Variants in DCAF8 observed in about 807,000 individuals in gnomAD.
DCAF8 encodes DDB1- and CUL4-associated factor 8.
A neutral mutation model predicts 68.0 loss-of-function variants in DCAF8; 20 were observed. That is an observed-to-expected ratio of 0.29 (90% CI 0.21 to 0.43). The LOEUF is 0.43. Among genes scored for constraint, DCAF8 ranks in the 20% least tolerant of loss-of-function variants. DCAF8 has a pLI of 1.00. For missense variants in DCAF8, 460 were observed against 771.0 expected (o/e 0.60, Z 4.78); for synonymous variants, 230 against 276.9 (o/e 0.83, Z 1.68).
At chr1:160,218,008 C>CTTT (rs1655181415) in intron 13 of DCAF8, 2 of 502,518 alleles carry the variant, frequency 4.0e-6, no homozygotes, top group East Asian at 6.4e-5. Context: ...TGAACTAGGC[C>CTTT]TCTTTTGGCA....
At chr1:160,227,817 A>G (rs1368794005) in intron 7 of DCAF8, among the ~76,000 whole-genome samples, 1 of 152,262 alleles carries the variant, frequency 6.6e-6, no homozygotes, top group Non-Finnish European at 1.5e-5. Context: ...TGTGATAGAC[A>G]GTAAGCATAG....
Position 160,240,016 on chromosome 1 carries a change from G to T in DCAF8, c.404C>A (p.Ala135Asp). 6.2e-7 allele frequency: 1 copy of T among 1,614,232 alleles called. No individual in the cohort carries two copies. The highest frequency in any genetic ancestry group is 8.5e-7 in the Non-Finnish European group (1 of 1,180,038). Residue 135 changes from alanine (A) to aspartate (D), a missense_variant, in exon 4 of 14, where the codon GCC becomes GAC. By Grantham distance (126) the Ala-to-Asp change is moderately radical. Transcript: ENST00000368074. Reference sequence around the variant, plus strand: ...TTCTGAGGACACCCAGTCCTCTAGGGCCCGCTCATCATCTGATGAGTCCTG... The same window carrying T: ...TTCTGAGGACACCCAGTCCTCTAGGTCCCGCTCATCATCTGATGAGTCCTG... ...RDQDSSDDER[A>D]LEDWVSSETS...
chr1:160,221,480 G>A (rs1320179416), intron 11 of DCAF8, among the ~76,000 whole-genome samples: 1 of 152,072 alleles, frequency 6.6e-6, no homozygotes, highest in Admixed American at 6.5e-5. Context: ...CTGAAATTTA[G>A]AGGAAACCAG....
chr1:160,248,895 CAA>C (rs58635711), intron 2 of DCAF8, among the ~76,000 whole-genome samples: 6 of 137,372 alleles, frequency 4.4e-5, no homozygotes, highest in South Asian at 2.4e-4. Context: ...GACACCATCT[CAA>C]AAAAAAAAAA....
chr1:160,240,143 T>G lies in DCAF8; in HGVS notation c.277A>C (p.Asn93His). 6.2e-7 allele frequency: 1 copy of G among 1,613,932 alleles called. No homozygotes were observed. The highest frequency in any genetic ancestry group is 8.5e-7 in the Non-Finnish European group (1 of 1,179,902). The change falls in exon 4 of 14, where the codon AAT becomes CAT. Residue 93 changes from asparagine to histidine, a missense_variant. Coordinates refer to ENST00000368074, the MANE Select transcript of DCAF8 (RefSeq NM_015726.4). Reference protein sequence around the residue: ...DTGHYSINDENRVHDRSEEEE... With the variant: ...DTGHYSINDEHRVHDRSEEEE... ...TCCTCTGAGCGGTCATGGACTCGAT[T>G]TTCATCATTAATGGAGTAATGACCA...
intron 2 of DCAF8, among the ~76,000 whole-genome samples, chr1:160,255,510 T>G (rs1335229568): frequency 1.3e-5 from 2 of 152,212 alleles, no homozygotes; most frequent in Non-Finnish European, 2.9e-5. Context: ...ATGATGAGGA[T>G]TCAAACTATG....
Position 160,231,245 on chromosome 1 carries a change from C to T in DCAF8, c.1070+52G>A, listed in dbSNP as rs951746525. 6 of 1,232,612 alleles carry T rather than the reference C, an allele frequency of 4.9e-6. No individual in the cohort carries two copies. In the African/African-American group the frequency reaches 8.9e-5, roughly 18 times the overall value. The allele number at this position is 1,232,612 out of a possible 1,614,324, so 76.4% of individuals were successfully genotyped here. A position where few individuals can be genotyped will look rare whatever the true frequency, so the allele number is the denominator to read the frequency against. On this transcript the variant is annotated intron_variant, in intron 7 of 13. Transcript: ENST00000368074. The stretch of plus-strand genomic sequence containing the variant: ...CCATAAAGGAGCACCTGGTAGTATA[C>T]AATGCATCAGTCTTACAAACTGTCA...
chr1:160,240,021 C>T lies in DCAF8; in HGVS notation c.399G>A (p.Glu133=). ...ANRDQDSSDD[E]RALEDWVSSE... is the part of the protein sequence containing the mutation. ...AGGACACCCAGTCCTCTAGGGCCCGCTCATCATCTGATGAGTCCTGGTCAC... is the reference window on the plus strand; with the variant it reads ...AGGACACCCAGTCCTCTAGGGCCCGTTCATCATCTGATGAGTCCTGGTCAC... Residue 133 remains glutamate, a synonymous_variant, in exon 4 of 14, where the codon GAG becomes GAA. Transcript: ENST00000368074. The T allele has an allele frequency of 6.2e-7, 1 of 1,614,250 alleles. No homozygotes were observed. Among genetic ancestry groups the T allele is most frequent in the Non-Finnish European group, 8.5e-7 (1 of 1,180,048 alleles).
chr1:160,236,122 T>C (rs1163403830), intron 6 of DCAF8, among the ~76,000 whole-genome samples: 2 of 152,176 alleles, frequency 1.3e-5, no homozygotes, highest in African/African-American at 4.8e-5. Context: ...ACTTTATTAC[T>C]TGAATCTCTT....
rs114094858 is a variant in DCAF8, at chr1:160,222,100, A to T, written c.1440+551T>A. Reference sequence around the variant, plus strand: ...TGTACGCATGACATTTCACCCCTAAATACTTCAACATGTATCTCTTAAGTA... The same window carrying T: ...TGTACGCATGACATTTCACCCCTAATTACTTCAACATGTATCTCTTAAGTA... On this transcript the variant is annotated intron_variant, in intron 11 of 13. Coordinates refer to ENST00000368074, the MANE Select transcript of DCAF8 (RefSeq NM_015726.4). Among the ~76,000 whole-genome samples the T allele has an allele frequency of 7.4e-3, 1,132 of 152,342 alleles. 15 individuals carry two copies. Among genetic ancestry groups the T allele is most frequent in the African/African-American group, 0.026 (1,068 of 41,574 alleles).
intron 3 of DCAF8, among the ~76,000 whole-genome samples, chr1:160,242,661 A>G (rs958266191): frequency 2.6e-5 from 4 of 152,192 alleles, no homozygotes; most frequent in Non-Finnish European, 4.4e-5. Flanking sequence ...GTAAAGGGCC[A>G]GATAGTAAAA....
At chr1:160,250,465 A>C (rs1289082020) in intron 2 of DCAF8, among the ~76,000 whole-genome samples, 2 of 39,678 alleles carry the variant, frequency 5.0e-5, no homozygotes, top group East Asian at 4.5e-4. Context: ...AAACTGTCTC[A>C]AAAAAAAAAA....
At chr1:160,221,118 C>T (rs1211293299) in intron 11 of DCAF8, 1 of 152,236 alleles carries the variant, frequency 6.6e-6, no homozygotes, top group Non-Finnish European at 1.5e-5. Context: ...CAAACCCTGG[C>T]ATTGGCTGAG....
chr1:160,261,536 A>C (rs892678796), intron 1 of DCAF8, 178 bp from the exon 2 acceptor site: 13 of 152,390 alleles, frequency 8.5e-5, no homozygotes, highest in Middle Eastern at 3.4e-3. Context: ...AAAATGAACC[A>C]ACATGAAGAT....
In DCAF8 at chr1:160,258,002, T is replaced by C. The variant is rs532759384; in HGVS notation, c.-27+3283A>G. 3.7e-3 allele frequency among the ~76,000 whole-genome samples: 569 copies of C among 152,254 alleles called. 2 individuals carry two copies. The highest frequency in any genetic ancestry group is 0.013 in the African/African-American group (537 of 41,558). The stretch of plus-strand genomic sequence containing the variant: ...CCTTGGCCTCCCAAAAGTGCTGGGA[T>C]TACAGCCATGAGCCAGCCGCACTCA... On this transcript the variant is annotated intron_variant, in intron 2 of 13. Coordinates refer to ENST00000368074, the MANE Select transcript of DCAF8 (RefSeq NM_015726.4).
rs1656062794 is a variant in DCAF8, at chr1:160,240,359, T to C, written c.61A>G (p.Ser21Gly). 1.2e-6 allele frequency: 2 copies of C among 1,608,190 alleles called. No homozygotes were observed. Among genetic ancestry groups the C allele is most frequent in the East Asian group, 2.2e-5 (1 of 44,774 alleles). ...GCTCCAGACATCTCCTCTGGACTGC[T>C]AGACAGGCTTCCTGCATGTTAGTGA... The part of the protein sequence containing the change: ...RTDLANGSLS[S>G]SPEEMSGAEE... Residue 21 changes from serine (S) to glycine (G), a missense_variant, in exon 4 of 14, where the codon AGC (serine) becomes GGC (glycine). Ser to Gly is a moderately conservative substitution (Grantham distance 56). Transcript: ENST00000368074.
chr1:160,219,077 C>T, intron 11 of DCAF8, 109 bp from the exon 12 acceptor site: 1 of 1,489,292 alleles, frequency 6.7e-7, no homozygotes, highest in Non-Finnish European at 9.0e-7. Context: ...GCTGAGGCAG[C>T]TGCTGGGGAA....
rs58539770 is a variant in DCAF8, at chr1:160,221,817, C to CAAAAAAA, written c.1440+827_1440+833dup. On this transcript the variant is annotated intron_variant, in intron 11 of 13. Transcript: ENST00000368074. Reference sequence around the variant, plus strand: ...TGAACTCCTTCCTAATTCTAGGTCTCAAAAAAAAAAAAAAAAAAAAAAAGA... The same window carrying CAAAAAAA: ...TGAACTCCTTCCTAATTCTAGGTCTCAAAAAAAAAAAAAAAAAAAAAAAAAAAAAAGA... Among the ~76,000 whole-genome samples the CAAAAAAA allele has an allele frequency of 3.2e-4, 20 of 62,146 alleles. 1 individual carries two copies. The highest frequency in any genetic ancestry group is 6.5e-4 in the South Asian group (1 of 1,542). The allele number at this position is 62,146 out of a possible 152,430, so 40.8% of individuals were successfully genotyped here.
At chr1:160,243,262 A>C (rs1400322515) in intron 3 of DCAF8, among the ~76,000 whole-genome samples, 1 of 152,066 alleles carries the variant, frequency 6.6e-6, no homozygotes, top group Non-Finnish European at 1.5e-5. Flanking sequence ...ACTTGGCAGC[A>C]CTGGTCCTGA....
Sources: gnomAD v4.1 joint callset for allele counts (sites outside exome capture counted in the v4.1 genomes callset) on GRCh38, gnomAD v4.1.1 for gene constraint, MANE v1.5 for transcripts, NCBI Gene and HGNC (gene_info 2026-07-23, HGNC 2026-07-21) for gene names.